The following EHHADH variants were observed in gnomAD, a reference collection of about 807,000 sequenced individuals.
The protein encoded by EHHADH is enoyl-CoA hydratase and 3-hydroxyacyl CoA dehydrogenase.
Under a neutral mutation model 64.4 loss-of-function variants are expected in EHHADH, and 48 were observed. The ratio of observed to expected loss-of-function variants is 0.75; its 90% CI spans 0.59 to 0.95. The LOEUF (loss-of-function observed/expected upper bound fraction) is 0.95, where lower values mean the gene tolerates loss of function less well. Ranked by LOEUF, EHHADH falls within the 40% of genes least tolerant of loss-of-function variation. The pLI, the probability that EHHADH is intolerant of heterozygous loss-of-function variation, is 0.00. For synonymous variants in EHHADH, 308 were observed against 326.7 expected (o/e 0.94, Z 0.62); for missense variants, 854 against 876.6 (o/e 0.97, Z 0.33).
At chr3:185,211,135 A>C (rs930279548) in intron 5 of EHHADH, among the ~76,000 whole-genome samples, 6 of 152,204 alleles carry the variant, frequency 3.9e-5, no homozygotes, top group Admixed American at 3.9e-4. Context: ...CAGTTATAAG[A>C]TATTCAGAAT....
chr3:185,206,245 C>T (rs1345788103), intron 5 of EHHADH, among the ~76,000 whole-genome samples: 5 of 150,434 alleles, frequency 3.3e-5, no homozygotes, highest in Admixed American at 1.3e-4. Flanking sequence ...TTCAACAAAT[C>T]GTAGTGGGAT....
At chr3:185,223,535 C>A (rs935497914) in intron 4 of EHHADH, among the ~76,000 whole-genome samples, 1 of 151,706 alleles carries the variant, frequency 6.6e-6, no homozygotes, top group Non-Finnish European at 1.5e-5. Context: ...GGTCATAGAA[C>A]AATATTTGCT....
intron 1 of EHHADH, among the ~76,000 whole-genome samples, chr3:185,249,787 G>C (rs1719697085): frequency 6.6e-6 from 1 of 151,600 alleles, no homozygotes; most frequent in Admixed American, 6.6e-5. Context: ...ACAAAAATAT[G>C]GTTGCCCAAA....
At position 185,204,496 on chromosome 3, in the gene EHHADH, T is replaced by A. The variant is rs763665044; in HGVS notation, c.830A>T (p.Lys277Ile). ...GGAGGGAGTTGACCACTTATTTGCTTTCCTTTCAGCGAAGAAAGCATATTG... is the reference window on the plus strand; with the variant it reads ...GGAGGGAGTTGACCACTTATTTGCTATCCTTTCAGCGAAGAAAGCATATTG... Reference protein sequence around the residue: ...ALQYAFFAERKANKWSTPSGA... With the variant: ...ALQYAFFAERIANKWSTPSGA... The change falls in exon 6 of 7, where the codon AAA becomes ATA. Residue 277 changes from lysine (K) to isoleucine (I), a missense_variant. By Grantham distance (102) the Lys-to-Ile change is moderately radical. Transcript: ENST00000231887. 5.3e-5 allele frequency: 86 copies of A among 1,614,060 alleles called. No individual in the cohort carries two copies. The highest frequency in any genetic ancestry group is 6.6e-5 in the Non-Finnish European group (78 of 1,180,036).
chr3:185,248,158 G>C (rs1719646577), intron 2 of EHHADH: 1 of 393,212 alleles, frequency 2.5e-6, no homozygotes, highest in Admixed American at 4.3e-5. Flanking sequence ...GTATATATCA[G>C]CAGGTGTATA....
chr3:185,204,731 A>G lies in EHHADH; in HGVS notation c.595T>C (p.Cys199Arg). The change falls in exon 6 of 7, where the codon TGC becomes CGC. Residue 199 changes from cysteine (C) to arginine (R), a missense_variant. Transcript: ENST00000231887. ...GGCAAGCTCTGAATTGGCTTGTTGC[A>G]GAGTCTACGGGATTCTAGAGGTTGA... ...SDQPLESRRL[C>R]NKPIQSLPNM... 6.2e-7 allele frequency: 1 copy of G among 1,612,042 alleles called. No individual in the cohort carries two copies. The highest frequency in any genetic ancestry group is 8.5e-7 in the Non-Finnish European group (1 of 1,178,334).
chr3:185,234,212 T>A (rs966514560), intron 3 of EHHADH, among the ~76,000 whole-genome samples: 6 of 152,186 alleles, frequency 3.9e-5, no homozygotes, highest in Non-Finnish European at 7.4e-5. Flanking sequence ...ACAGACCTCA[T>A]CTGACATGTC....
At chr3:185,219,987 A>G (rs1718792352) in intron 4 of EHHADH, among the ~76,000 whole-genome samples, 1 of 152,188 alleles carries the variant, frequency 6.6e-6, no homozygotes, top group Admixed American at 6.5e-5. Context: ...TAAGAGGTAC[A>G]TAAATGGTTT....
chr3:185,230,425 C>T (rs891499965), intron 3 of EHHADH, among the ~76,000 whole-genome samples: 3 of 152,180 alleles, frequency 2.0e-5, no homozygotes, highest in African/African-American at 7.2e-5. Flanking sequence ...ACCCAAATGT[C>T]CATCAATGAT....
chr3:185,246,089 T>C, intron 2 of EHHADH: 1 of 1,287,494 alleles, frequency 7.8e-7, no homozygotes. Context: ...ATTCCAAGCA[T>C]AATGTCAAGG....
At position 185,204,424 on chromosome 3, in the gene EHHADH, C is replaced by G; in HGVS notation, c.902G>C (p.Gly301Ala). 1 of 1,602,268 alleles carries G rather than the reference C, an allele frequency of 6.2e-7. No homozygotes were observed. The highest frequency in any genetic ancestry group is 1.1e-5 in the South Asian group (1 of 89,940). The stretch of plus-strand genomic sequence containing the variant: ...TTACCCCATGGTCTTACCAACAACA[C>G]CAACTGAGGAGACAGGCCGCGCTGA... Reference protein sequence around the residue: ...TASARPVSSVGVVGLGTMGRG... With the variant: ...TASARPVSSVAVVGLGTMGRG... The change falls in exon 6 of 7, where the codon GGT becomes GCT. Residue 301 changes from glycine to alanine, a missense_variant. By Grantham distance (60) the Gly-to-Ala change is moderately conservative. Transcript: ENST00000231887.
intron 6 of EHHADH, 35 bp from the exon 7 acceptor site, chr3:185,193,522 T>C (rs774477487): frequency 1.2e-6 from 2 of 1,605,474 alleles, no homozygotes; most frequent in Non-Finnish European, 1.7e-6. Context: ...AAAGAATGAT[T>C]CAGTGGTATT....
chr3:185,251,356 T>C (rs758725002), intron 1 of EHHADH, among the ~76,000 whole-genome samples: 1 of 152,228 alleles, frequency 6.6e-6, no homozygotes, highest in African/African-American at 2.4e-5. Context: ...GGTTTTGTTT[T>C]AGGAAACTGC....
At chr3:185,206,733 C>G (rs1192283804) in intron 5 of EHHADH, among the ~76,000 whole-genome samples, 5 of 151,258 alleles carry the variant, frequency 3.3e-5, no homozygotes, top group Non-Finnish European at 7.4e-5. Flanking sequence ...GAAGCTGAGG[C>G]AGGAAAATTG....
chr3:185,238,525 A>G lies in EHHADH; in HGVS notation c.179-3063T>C, dbSNP rs189378220. Among the ~76,000 whole-genome samples the G allele has an allele frequency of 1.6e-4, 24 of 151,856 alleles. No individual in the cohort carries two copies. The East Asian group carries it at 4.4e-3, about 28-fold the overall frequency. On this transcript the variant is annotated intron_variant, in intron 2 of 6. Coordinates refer to ENST00000231887, the MANE Select transcript of EHHADH (RefSeq NM_001966.4). ...GATTAGTGATGTTGAGAATTTTTTCATATGTTTATTGGCCACTTGTATGTC... is the reference window on the plus strand; with the variant it reads ...GATTAGTGATGTTGAGAATTTTTTCGTATGTTTATTGGCCACTTGTATGTC...
intron 5 of EHHADH, among the ~76,000 whole-genome samples, chr3:185,206,903 A>G (rs1327806210): frequency 1.3e-5 from 2 of 150,076 alleles, no homozygotes; most frequent in African/African-American, 5.0e-5. Context: ...AGTCAGAATA[A>G]CACCCCCCCC....
chr3:185,223,196 T>C (rs571112148), intron 4 of EHHADH, among the ~76,000 whole-genome samples: 4 of 152,318 alleles, frequency 2.6e-5, no homozygotes, highest in Admixed American at 1.3e-4. Context: ...ATTTTATTTA[T>C]CTTTTTGTTA....
At chr3:185,202,608 T>C (rs1718260194) in intron 6 of EHHADH, among the ~76,000 whole-genome samples, 1 of 152,104 alleles carries the variant, frequency 6.6e-6, no homozygotes, top group South Asian at 2.1e-4. Flanking sequence ...CTAGGGAGCA[T>C]TTCAGCCTTG....
chr3:185,241,429 G>A (rs555235846), intron 2 of EHHADH, among the ~76,000 whole-genome samples: 152 of 152,296 alleles, frequency 1.0e-3, no homozygotes, highest in African/African-American at 3.5e-3. Context: ...CAATGTACAA[G>A]TGTTTCCTTT....
Sources: gnomAD v4.1 joint callset for allele counts (sites outside exome capture counted in the v4.1 genomes callset) on GRCh38, gnomAD v4.1.1 for gene constraint, MANE v1.5 for transcripts, NCBI Gene and HGNC (gene_info 2026-07-23, HGNC 2026-07-21) for gene names.